The following SLC24A2 variants were observed in gnomAD, a reference collection of about 807,000 sequenced individuals.
SLC24A2 encodes the protein solute carrier family 24 member 2.
In SLC24A2, 36 loss-of-function variants were observed where a neutral mutation model predicts 62.0. The ratio of observed to expected loss-of-function variants is 0.58; its 90% confidence interval spans 0.44 to 0.77. The LOEUF is 0.77. Ranked by LOEUF, SLC24A2 falls within the 30% of genes least tolerant of loss-of-function variation. The pLI is 0.00. For synonymous variants in SLC24A2, 358 were observed against 294.0 expected (o/e 1.22, Z -2.23); for missense variants, 846 against 817.9 (o/e 1.03, Z -0.42).
At chr9:19,952,906 T>C in the SLC24A2 span, among the ~76,000 whole-genome samples, 3 of 152,076 alleles carry the variant, frequency 2.0e-5, no homozygotes, top group East Asian at 5.8e-4. Context: ...TTGATAAGGT[T>C]TATAATTACA....
the SLC24A2 span, among the ~76,000 whole-genome samples, chr9:19,850,988 T>TAC: frequency 2.2e-5 from 1 of 45,758 alleles, no homozygotes; most frequent in Non-Finnish European, 5.0e-5. Flanking sequence ...TATATATGTA[T>TAC]ATATATATAT....
At chr9:19,820,056 C>CACATATATATAT in the SLC24A2 span, among the ~76,000 whole-genome samples, 1,285 of 20,688 alleles carry the variant, frequency 0.062, 55 homozygotes, top group African/African-American at 0.09. Context: ...TATATATATA[C>CACATATATATAT]ACATATATAT....
At chr9:19,843,337 A>G in the SLC24A2 span, among the ~76,000 whole-genome samples, 4 of 152,238 alleles carry the variant, frequency 2.6e-5, no homozygotes, top group African/African-American at 9.6e-5. Context: ...TCATGTCTCT[A>G]CTAAAAATAC....
At chr9:20,037,329 T>C in the SLC24A2 span, among the ~76,000 whole-genome samples, 1 of 152,164 alleles carries the variant, frequency 6.6e-6, no homozygotes, top group Non-Finnish European at 1.5e-5. Flanking sequence ...GACTCAACCA[T>C]CCACTTTTTT....
chr9:19,976,982 G>C, the SLC24A2 span, among the ~76,000 whole-genome samples: 4 of 152,168 alleles, frequency 2.6e-5, no homozygotes, highest in African/African-American at 4.8e-5. Flanking sequence ...ATAAAGATCA[G>C]CAAAGTCCAA....
At chr9:20,107,903 C>G in the SLC24A2 span, among the ~76,000 whole-genome samples, 8 of 152,124 alleles carry the variant, frequency 5.3e-5, no homozygotes, top group Admixed American at 2.0e-4. Flanking sequence ...TCAGAGTGAA[C>G]AGGCAACCTA....
intron 7 of SLC24A2, among the ~76,000 whole-genome samples, chr9:19,554,693 C>A (rs10964200): frequency 6.6e-6 from 1 of 152,140 alleles, no homozygotes; most frequent in African/African-American, 2.4e-5. Context: ...TTAAAGGGTG[C>A]GGATGCACCC....
the SLC24A2 span, among the ~76,000 whole-genome samples, chr9:20,161,049 G>A: frequency 9.4e-3 from 1,430 of 151,340 alleles, 32 homozygotes; most frequent in African/African-American, 0.033. Flanking sequence ...TGACTTGGAG[G>A]AATTACCTCT....
chr9:20,224,364 T>C, the SLC24A2 span, among the ~76,000 whole-genome samples: 3 of 151,984 alleles, frequency 2.0e-5, no homozygotes, highest in East Asian at 5.8e-4. Context: ...TTGAATACTA[T>C]CAGAGAAATT....
the SLC24A2 span, among the ~76,000 whole-genome samples, chr9:20,230,454 T>C: frequency 0.023 from 3,442 of 152,202 alleles, 139 homozygotes; most frequent in African/African-American, 0.077. Flanking sequence ...TATCTCATTG[T>C]GGTTTTGATT....
At chr9:19,764,247 T>A (rs1235288254) in intron 2 of SLC24A2, among the ~76,000 whole-genome samples, 2 of 152,214 alleles carry the variant, frequency 1.3e-5, no homozygotes, top group Non-Finnish European at 2.9e-5. Flanking sequence ...ACTTTGTTAA[T>A]CTTTGCAAAA....
intron 9 of SLC24A2, among the ~76,000 whole-genome samples, chr9:19,527,769 T>A (rs549913844): frequency 5.3e-5 from 8 of 152,284 alleles, no homozygotes; most frequent in Admixed American, 2.0e-4. Context: ...CTCTCAGGTC[T>A]GGGTTGTCCT....
chr9:19,636,335 C>CTTTTCTTTTCT (rs1317040804), intron 2 of SLC24A2, among the ~76,000 whole-genome samples: 1 of 24,022 alleles, frequency 4.2e-5, no homozygotes, highest in Non-Finnish European at 8.4e-5. Context: ...TTCTTTCTTT[C>CTTTTCTTTTCT]TTTCTTTCTT....
the SLC24A2 span, among the ~76,000 whole-genome samples, chr9:20,286,791 C>A: frequency 6.6e-6 from 1 of 152,152 alleles, no homozygotes; most frequent in South Asian, 2.1e-4. Context: ...ACAGGACTCT[C>A]CTGAACAAAG....
the SLC24A2 span, among the ~76,000 whole-genome samples, chr9:19,940,895 T>C: frequency 7.2e-5 from 11 of 152,210 alleles, no homozygotes; most frequent in Admixed American, 5.9e-4. Context: ...CTCATTTTTA[T>C]TGTATTCCTG....
At chr9:20,047,797 C>T in the SLC24A2 span, among the ~76,000 whole-genome samples, 1 of 151,360 alleles carries the variant, frequency 6.6e-6, no homozygotes, top group Non-Finnish European at 1.5e-5. Context: ...ATACCATCAC[C>T]TTGGGGGTTA....
intron 7 of SLC24A2, among the ~76,000 whole-genome samples, chr9:19,566,600 T>A (rs931988503): frequency 2.6e-5 from 4 of 152,150 alleles, no homozygotes; most frequent in Non-Finnish European, 5.9e-5. Flanking sequence ...GACCCAGCCA[T>A]CCCATTACTG....
chr9:19,522,805 T>C (rs542760497), intron 9 of SLC24A2, among the ~76,000 whole-genome samples: 1 of 152,364 alleles, frequency 6.6e-6, no homozygotes. Context: ...AGTATGTTTT[T>C]CTGCTGATTC....
At chr9:19,810,683 A>C in the SLC24A2 span, among the ~76,000 whole-genome samples, 4 of 152,258 alleles carry the variant, frequency 2.6e-5, no homozygotes, top group African/African-American at 7.2e-5. Context: ...AAACCATAAT[A>C]AAATCCATAG....
Sources: gnomAD v4.1 joint callset for allele counts (sites outside exome capture counted in the v4.1 genomes callset) on GRCh38, gnomAD v4.1.1 for gene constraint, MANE v1.5 for transcripts, NCBI Gene and HGNC (gene_info 2026-07-23, HGNC 2026-07-21) for gene names.